KCNQ1: variants seen among roughly 807,000 people sequenced by gnomAD.
The protein encoded by KCNQ1 is potassium voltage-gated channel subfamily KQT member 1.
In KCNQ1, 49 loss-of-function variants were observed where a neutral mutation model predicts 72.4. That is an observed-to-expected ratio of 0.68 (90% CI 0.54 to 0.86). The LOEUF (loss-of-function observed/expected upper bound fraction) is 0.86, where lower values mean the gene tolerates loss of function less well. KCNQ1 is among the 40% of genes least tolerant of loss of function. The pLI, the probability that KCNQ1 is intolerant of heterozygous loss-of-function variation, is 0.00. For missense variants in KCNQ1, 790 were observed against 945.1 expected, an observed-to-expected ratio of 0.84 and a Z score of 2.15; for synonymous variants, 450 against 412.6, an observed-to-expected ratio of 1.09 and a Z score of -1.10.
At chr11:2,841,939 C>T (rs1259991109) in intron 15 of KCNQ1, among the ~76,000 whole-genome samples, 3 of 152,184 alleles carry the variant, frequency 2.0e-5, no homozygotes, top group African/African-American at 4.8e-5. Context: ...AGCCAGGCAG[C>T]GGCAGCCCCA....
intron 1 of KCNQ1, among the ~76,000 whole-genome samples, chr11:2,449,758 T>A (rs1346575152): frequency 6.6e-6 from 1 of 151,978 alleles, no homozygotes; most frequent in Non-Finnish European, 1.5e-5. Flanking sequence ...GATGCCCCCG[T>A]TTTTAAAGGC....
chr11:2,797,077 G>A (rs940437384), intron 15 of KCNQ1, among the ~76,000 whole-genome samples: 2 of 152,224 alleles, frequency 1.3e-5, no homozygotes, highest in Non-Finnish European at 2.9e-5. Context: ...CATTGTTCAC[G>A]GCCTCACCTG....
In KCNQ1 at chr11:2,766,438, A is replaced by T. The variant is rs79416073; in HGVS notation, c.1515-2406A>T. The stretch of plus-strand genomic sequence containing the variant: ...CGCGGCTGTTCCAGCAGGCTAGCTC[A>T]GACTTGTCCATGAGCCAACAGAATT... On this transcript the variant is annotated intron_variant, in intron 11 of 15. Transcript: ENST00000155840. This position sits in a 1 kb window ranked among gnomAD's most constrained non-coding sequence, Gnocchi z 4.4. 0.024 allele frequency among the ~76,000 whole-genome samples: 3,592 copies of T among 152,338 alleles called. 155 individuals are homozygous for T. The highest frequency in any genetic ancestry group is 0.081 in the African/African-American group (3,383 of 41,560).
At chr11:2,836,632 C>T (rs1027951840) in intron 15 of KCNQ1, among the ~76,000 whole-genome samples, 1 of 152,196 alleles carries the variant, frequency 6.6e-6, no homozygotes, top group Non-Finnish European at 1.5e-5. Flanking sequence ...GCTGCACAGC[C>T]GTCCCAGGAG....
chr11:2,655,109 C>T (rs1849821607), intron 10 of KCNQ1: 1 of 398,386 alleles, frequency 2.5e-6, no homozygotes, highest in South Asian at 1.3e-4. Context: ...ATTCAAATCC[C>T]CCTATCGAGC....
rs1846227729 is a variant in KCNQ1 at position 2,458,519 on chromosome 11, C to T, written c.386+13035C>T. Among the ~76,000 whole-genome samples, 1 of 152,254 alleles carries T rather than the reference C, an allele frequency of 6.6e-6. No homozygotes were observed. Among genetic ancestry groups the T allele is most frequent in the Non-Finnish European group, 1.5e-5 (1 of 68,048 alleles). On this transcript the variant is annotated intron_variant, in intron 1 of 15. Coordinates refer to ENST00000155840, the MANE Select transcript of KCNQ1 (RefSeq NM_000218.3). This position sits in a 1 kb window ranked among gnomAD's most constrained non-coding sequence, Gnocchi z 4.6. ...CTGCTGAAGTCCTGCCAGGCTCCAG[C>T]TCCTGGTGAGGTCAGGGATTCCGCA... is the stretch of plus-strand genomic sequence containing the variant.
chr11:2,794,606 C>T (rs1216116307), intron 15 of KCNQ1, among the ~76,000 whole-genome samples: 1 of 152,166 alleles, frequency 6.6e-6, no homozygotes, highest in Non-Finnish European at 1.5e-5. Flanking sequence ...AGATGTGATG[C>T]ATGTGTGTTC....
chr11:2,642,945 T>C lies in KCNQ1; in HGVS notation c.1394-19016T>C, dbSNP rs1849602905. 7.5e-6 allele frequency: 3 copies of C among 398,048 alleles called. No homozygotes were observed. The highest frequency in any genetic ancestry group is 7.2e-5 in the East Asian group (2 of 27,942). The allele number at this position is 398,048 out of a possible 1,614,324, so 24.7% of individuals were successfully genotyped here. ...CATTGGTCATTCAGGAACATGTTAA[T>C]TTCCATTTATTTATACAGTTTTGAA... On this transcript the variant is annotated intron_variant, in intron 10 of 15. Transcript: ENST00000155840. The surrounding 1 kb of genome is among the most constrained non-coding windows in gnomAD (Gnocchi z 4.3).
chr11:2,833,268 C>T (rs553660083), intron 15 of KCNQ1, among the ~76,000 whole-genome samples: 1 of 152,284 alleles, frequency 6.6e-6, no homozygotes, highest in Admixed American at 6.5e-5. Flanking sequence ...GGACGGGAGG[C>T]CTGTGGACTT....
intron 11 of KCNQ1, chr11:2,675,425 T>G (rs1564854337): frequency 2.5e-6 from 1 of 398,582 alleles, no homozygotes. Flanking sequence ...ATATTGTCAT[T>G]TTGCGTTAAA....
At chr11:2,575,817 G>T (rs1848414814) in intron 6 of KCNQ1, among the ~76,000 whole-genome samples, 1 of 152,198 alleles carries the variant, frequency 6.6e-6, no homozygotes, top group African/African-American at 2.4e-5. Context: ...CTGAGAGGGT[G>T]CTGGAGCTGC....
At chr11:2,573,203 A>G (rs1848368269) in intron 6 of KCNQ1, among the ~76,000 whole-genome samples, 1 of 152,140 alleles carries the variant, frequency 6.6e-6, no homozygotes, top group Non-Finnish European at 1.5e-5. Context: ...GAAGTTCTGA[A>G]TGGTCTCATC....
chr11:2,699,001 G>A (rs1200964183), intron 11 of KCNQ1: 1 of 398,358 alleles, frequency 2.5e-6, no homozygotes, highest in Admixed American at 4.4e-5. Context: ...TCCTAATTCG[G>A]GCCCTGACTC....
chr11:2,734,632 G>A lies in KCNQ1; in HGVS notation c.1515-34212G>A, dbSNP rs1280606986. On this transcript the variant is annotated intron_variant, in intron 11 of 15. Coordinates refer to ENST00000155840, the MANE Select transcript of KCNQ1 (RefSeq NM_000218.3). The surrounding 1 kb of genome is among the most constrained non-coding windows in gnomAD (Gnocchi z 7.0). ...TTTTCCGAGGCCCTGAAGGACTGGAGAGTAGGAGCAGGTCTCGGGGGTAGC... is the reference window on the plus strand; with the variant it reads ...TTTTCCGAGGCCCTGAAGGACTGGAAAGTAGGAGCAGGTCTCGGGGGTAGC... 6.6e-6 allele frequency among the ~76,000 whole-genome samples: 1 copy of A among 151,992 alleles called. No individual in the cohort carries two copies. The highest frequency in any genetic ancestry group is 1.9e-4 in the East Asian group (1 of 5,170).
Position 2,620,958 on chromosome 11 carries a change from G to A in KCNQ1, c.1393+32104G>A. ...TTGTTGTTTTGTTTTGTTTTTTTTT[G>A]TCTGTTTTTTGCTTTTTTGTTTGTT... On this transcript the variant is annotated intron_variant, in intron 10 of 15. Coordinates refer to ENST00000155840, the MANE Select transcript of KCNQ1 (RefSeq NM_000218.3). This position sits in a 1 kb window ranked among gnomAD's most constrained non-coding sequence, Gnocchi z 4.5. 3.6e-6 allele frequency: 1 copy of A among 275,706 alleles called. No individual in the cohort carries two copies. The allele number at this position is 275,706 out of a possible 1,614,324, so 17.1% of individuals were successfully genotyped here.
At position 2,783,443 on chromosome 11, in the gene KCNQ1, G is replaced by A. The variant is rs1233222563; in HGVS notation, c.1794+5406G>A. Among the ~76,000 whole-genome samples the A allele has an allele frequency of 6.6e-6, 1 of 152,034 alleles. No individual in the cohort carries two copies. The highest frequency in any genetic ancestry group is 2.4e-5 in the African/African-American group (1 of 41,434). ...CTGACATTGTTGGGTGCAGTGTTAT[G>A]TTCATATCCACTGGAACAAGCTTGT... On this transcript the variant is annotated intron_variant, in intron 15 of 15. Transcript: ENST00000155840. This position sits in a 1 kb window ranked among gnomAD's most constrained non-coding sequence, Gnocchi z 5.2.
Position 2,674,986 on chromosome 11 carries a change from C to A in KCNQ1, c.1514+12905C>A, listed in dbSNP as rs1467734800. ...TTCTCTTCGTTTCCTCTTACAGTGGCGGGCACTCAGCCGGCTTCTTCCCGC... is the reference window on the plus strand; with the variant it reads ...TTCTCTTCGTTTCCTCTTACAGTGGAGGGCACTCAGCCGGCTTCTTCCCGC... On this transcript the variant is annotated intron_variant, in intron 11 of 15. Coordinates refer to ENST00000155840, the MANE Select transcript of KCNQ1 (RefSeq NM_000218.3). The surrounding 1 kb of genome is among the most constrained non-coding windows in gnomAD (Gnocchi z 5.9). 1.0e-5 allele frequency: 4 copies of A among 398,402 alleles called. No individual in the cohort carries two copies. The Admixed American group carries it at 1.8e-4, about 18-fold the overall frequency. 24.7% of individuals were successfully genotyped at this position (398,402 alleles called of 1,614,324 possible). A position where few individuals can be genotyped will look rare whatever the true frequency, so the allele number is the denominator to read the frequency against.
Position 2,491,570 on chromosome 11 carries a change from A to G in KCNQ1, c.387-36358A>G, listed in dbSNP as rs1846836345. ...ACAGAATAAGAACGAATGAAGCATG[A>G]TCTAGAAAATAGCCTCAAAAGGGCA... On this transcript the variant is annotated intron_variant, in intron 1 of 15. Transcript: ENST00000155840. The surrounding 1 kb of genome is among the most constrained non-coding windows in gnomAD (Gnocchi z 4.1). Among the ~76,000 whole-genome samples the G allele has an allele frequency of 6.6e-6, 1 of 152,204 alleles. No individual in the cohort carries two copies. The highest frequency in any genetic ancestry group is 6.5e-5 in the Admixed American group (1 of 15,276).
rs1432556899 is a variant in KCNQ1 at position 2,745,924 on chromosome 11, C to G, written c.1515-22920C>G. Reference sequence around the variant, plus strand: ...TTGTTTTTTGAGATGGAGTCTCATTCTGTCACCCAGGCTGGAGTGCAGTGG... The same window carrying G: ...TTGTTTTTTGAGATGGAGTCTCATTGTGTCACCCAGGCTGGAGTGCAGTGG... On this transcript the variant is annotated intron_variant, in intron 11 of 15. Coordinates refer to ENST00000155840, the MANE Select transcript of KCNQ1 (RefSeq NM_000218.3). This position sits in a 1 kb window ranked among gnomAD's most constrained non-coding sequence, Gnocchi z 6.2. Among the ~76,000 whole-genome samples the G allele has an allele frequency of 6.6e-6, 1 of 152,222 alleles. No homozygotes were observed. Among genetic ancestry groups the G allele is most frequent in the African/African-American group, 2.4e-5 (1 of 41,458 alleles).
Sources: allele counts gnomAD v4.1 joint callset (sites outside exome capture counted in the v4.1 genomes callset), GRCh38; gene constraint gnomAD v4.1.1; non-coding constraint Gnocchi (gnomAD v3.1); transcripts MANE v1.5; gene names NCBI Gene and HGNC (gene_info 2026-07-23, HGNC 2026-07-21).